NRXN1: variants seen among roughly 807,000 people sequenced by gnomAD.
The protein encoded by NRXN1 is neurexin-1.
In NRXN1, 39 loss-of-function variants were observed where a neutral mutation model predicts 150.9. The observed-to-expected ratio is 0.26, with a 90% CI of 0.20 to 0.34. NRXN1 has a LOEUF of 0.34. Ranked by LOEUF, NRXN1 falls within the 10% of genes least tolerant of loss-of-function variation. The pLI is 1.00. For missense variants in NRXN1, 1,815 were observed against 1,949.9 expected, an observed-to-expected ratio of 0.93 and a Z score of 1.30; for synonymous variants, 924 against 757.0, an observed-to-expected ratio of 1.22 and a Z score of -3.62.
At chr2:51,022,388 C>A (rs1296367333) in intron 2 of NRXN1, among the ~76,000 whole-genome samples, 1 of 152,046 alleles carries the variant, frequency 6.6e-6, no homozygotes, top group Non-Finnish European at 1.5e-5. Context: ...GCCCAAGAGT[C>A]TGTATAATTT....
chr2:50,820,885 T>C (rs527866944), intron 5 of NRXN1, among the ~76,000 whole-genome samples: 8 of 152,292 alleles, frequency 5.3e-5, no homozygotes, highest in East Asian at 1.9e-4. Flanking sequence ...GTTTGTGTTA[T>C]AGATTATGGA....
At chr2:50,129,018 T>G (rs963162432) in intron 18 of NRXN1, among the ~76,000 whole-genome samples, 9 of 150,802 alleles carry the variant, frequency 6.0e-5, no homozygotes, top group Non-Finnish European at 1.3e-4. Context: ...AATAAATAAA[T>G]AAAGTTATGA....
At chr2:50,553,862 T>G (rs2105350396) in intron 8 of NRXN1, among the ~76,000 whole-genome samples, 1 of 152,304 alleles carries the variant, frequency 6.6e-6, no homozygotes, top group African/African-American at 2.4e-5. Context: ...AATTAACACA[T>G]TTGATAATTC....
At chr2:50,250,613 A>T (rs1411889493) in intron 17 of NRXN1, among the ~76,000 whole-genome samples, 1 of 152,098 alleles carries the variant, frequency 6.6e-6, no homozygotes, top group African/African-American at 2.4e-5. Context: ...GTTTATTAAA[A>T]ATTCTATGAA....
chr2:50,453,810 G>T (rs934795504), intron 17 of NRXN1, among the ~76,000 whole-genome samples: 1 of 152,106 alleles, frequency 6.6e-6, no homozygotes, highest in Non-Finnish European at 1.5e-5. Context: ...TACTGTAAGA[G>T]AAATGGGATT....
chr2:50,952,611 G>T (rs1192228036), intron 2 of NRXN1, among the ~76,000 whole-genome samples: 2 of 152,122 alleles, frequency 1.3e-5, no homozygotes, highest in African/African-American at 2.4e-5. Context: ...CAAAGTGGAA[G>T]GTAGAAAATA....
chr2:49,970,914 G>GAAGACTAAAT (rs1346372082), intron 21 of NRXN1, among the ~76,000 whole-genome samples: 1 of 151,942 alleles, frequency 6.6e-6, no homozygotes, highest in African/African-American at 2.4e-5. Flanking sequence ...AGGTAAAAGA[G>GAAGACTAAAT]AAGACTAAAT....
At chr2:50,123,136 A>T (rs1704096380) in intron 18 of NRXN1, among the ~76,000 whole-genome samples, 1 of 151,766 alleles carries the variant, frequency 6.6e-6, no homozygotes, top group South Asian at 2.1e-4. Flanking sequence ...GTAGTGAAAC[A>T]AACAGACAAA....
chr2:50,322,961 G>C (rs2076146278), intron 17 of NRXN1, among the ~76,000 whole-genome samples: 1 of 152,030 alleles, frequency 6.6e-6, no homozygotes, highest in Admixed American at 6.5e-5. Context: ...CTATGATTTT[G>C]AAAAGTTGAA....
chr2:50,741,607 G>GA (rs1415615077), intron 5 of NRXN1, among the ~76,000 whole-genome samples: 1 of 152,102 alleles, frequency 6.6e-6, no homozygotes, highest in African/African-American at 2.4e-5. Flanking sequence ...AATACTGAGA[G>GA]AAATATGTGA....
chr2:50,458,569 T>C (rs540507885), intron 17 of NRXN1, among the ~76,000 whole-genome samples: 10 of 145,284 alleles, frequency 6.9e-5, no homozygotes, highest in Admixed American at 5.1e-4. Context: ...TGTACAACTA[T>C]CATGTATTCA....
chr2:50,980,446 T>A (rs1469446466), intron 2 of NRXN1, among the ~76,000 whole-genome samples: 2 of 152,102 alleles, frequency 1.3e-5, no homozygotes, highest in East Asian at 1.9e-4. Flanking sequence ...GGCTTAGAAA[T>A]TAGAAAATAA....
At chr2:50,686,374 C>G (rs1280011855) in intron 5 of NRXN1, among the ~76,000 whole-genome samples, 1 of 152,104 alleles carries the variant, frequency 6.6e-6, no homozygotes. Flanking sequence ...TCCTCTCACA[C>G]TCCTGAGTCT....
intron 5 of NRXN1, among the ~76,000 whole-genome samples, chr2:50,888,998 T>C (rs1351978447): frequency 6.6e-6 from 1 of 151,804 alleles, no homozygotes; most frequent in Non-Finnish European, 1.5e-5. Context: ...ATTGGTATTC[T>C]ACTTTACAGA....
At chr2:50,780,097 T>G (rs1260307857) in intron 5 of NRXN1, among the ~76,000 whole-genome samples, 1 of 152,222 alleles carries the variant, frequency 6.6e-6, no homozygotes, top group Non-Finnish European at 1.5e-5. Flanking sequence ...GTGGTTTTGA[T>G]TTGTATTTCT....
rs189268514 is a variant in NRXN1, at chr2:49,978,093, C to A, written c.4129-34302G>T. ...AGGAGAATCGCTTGAACCAGGGAGT[C>A]AGAGGTTGCAGTGAGCTGAGATTGC... is the stretch of plus-strand genomic sequence containing the variant. On this transcript the variant is annotated intron_variant, in intron 21 of 22. Transcript: ENST00000401669. Among the ~76,000 whole-genome samples, 400 of 152,170 alleles carry A rather than the reference C, an allele frequency of 2.6e-3. 2 individuals are homozygous for A. The highest frequency in any genetic ancestry group is 9.3e-3 in the African/African-American group (387 of 41,504).
intron 8 of NRXN1, among the ~76,000 whole-genome samples, chr2:50,556,841 C>T (rs1227683050): frequency 6.6e-6 from 1 of 152,112 alleles, no homozygotes. Context: ...CCTAACCTCT[C>T]TCTGTCTCAG....
At chr2:50,890,318 T>A (rs1426520515) in intron 5 of NRXN1, among the ~76,000 whole-genome samples, 1 of 151,832 alleles carries the variant, frequency 6.6e-6, no homozygotes, top group Non-Finnish European at 1.5e-5. Context: ...TCACAAAACT[T>A]AGAGAAGACA....
intron 5 of NRXN1, among the ~76,000 whole-genome samples, chr2:50,901,008 C>T (rs1038300595): frequency 6.6e-6 from 1 of 152,150 alleles, no homozygotes; most frequent in African/African-American, 2.4e-5. Flanking sequence ...CTTTTCTCAT[C>T]GGTACACTCC....
Sources: gnomAD v4.1 joint callset for allele counts (sites outside exome capture counted in the v4.1 genomes callset) on GRCh38, gnomAD v4.1.1 for gene constraint, MANE v1.5 for transcripts, NCBI Gene and HGNC (gene_info 2026-07-23, HGNC 2026-07-21) for gene names.